Variants in OASL observed in about 807,000 individuals in gnomAD.
OASL encodes 2'-5'-oligoadenylate synthetase like.
A neutral mutation model predicts 35.3 loss-of-function variants in OASL; 28 were observed. The observed-to-expected ratio is 0.79, with a 90% CI of 0.59 to 1.09. The LOEUF (loss-of-function observed/expected upper bound fraction) is 1.09. OASL is among the 50% of genes least tolerant of loss of function. The pLI is 0.00. For synonymous variants in OASL, 252 were observed against 254.6 expected (o/e 0.99, Z 0.10); for missense variants, 620 against 635.2 (o/e 0.98, Z 0.26).
exon 1 of OASL, chr12:121,039,091 A>C (rs748445766): frequency 8.0e-5 from 64 of 795,134 alleles, no homozygotes; most frequent in East Asian, 1.3e-4. Context: ...GCTCTGTGGG[A>C]GGAGGGACCC....
chr12:121,033,684 C>G, exon 2 of OASL: 1 of 1,614,116 alleles, frequency 6.2e-7, no homozygotes, highest in Non-Finnish European at 8.5e-7. Flanking sequence ...AGCTCAGAAA[C>G]GCCACCAGCT....
At chr12:121,028,617 G>GCCC (rs1306085541) in intron 3 of OASL, among the ~76,000 whole-genome samples, 1 of 138,802 alleles carries the variant, frequency 7.2e-6, no homozygotes, top group African/African-American at 2.7e-5. Flanking sequence ...CCTGAAACCC[G>GCCC]CCCCCCCCGC....
At chr12:121,027,612 A>G (rs778484799) in exon 4 of OASL, 12 of 1,614,062 alleles carry the variant, frequency 7.4e-6, no homozygotes, top group Non-Finnish European at 1.7e-6. Flanking sequence ...ACAATCCTCA[A>G]TGATTGCATT....
At chr12:121,028,601 C>A (rs1190393071) in intron 3 of OASL, among the ~76,000 whole-genome samples, 1 of 152,062 alleles carries the variant, frequency 6.6e-6, no homozygotes, top group Non-Finnish European at 1.5e-5. Flanking sequence ...AGTGCCCTCA[C>A]CAGTGCCTGA....
intron 1 of OASL, among the ~76,000 whole-genome samples, chr12:121,038,470 C>T (rs565798526): frequency 6.6e-6 from 1 of 152,288 alleles, no homozygotes; most frequent in East Asian, 1.9e-4. Context: ...GGTTCTGAGC[C>T]TCCATTTGCT....
At chr12:121,027,878 G>T in intron 3 of OASL, 61 bp from the exon 4 acceptor site, 1 of 1,455,574 alleles carries the variant, frequency 6.9e-7, no homozygotes, top group South Asian at 1.2e-5. Flanking sequence ...TAAGGATGGC[G>T]TTGGACCAGA....
At chr12:121,030,175 G>A (rs192420837) in intron 3 of OASL, among the ~76,000 whole-genome samples, 2 of 151,748 alleles carry the variant, frequency 1.3e-5, no homozygotes, top group Admixed American at 6.6e-5. Flanking sequence ...ACATTTGGCC[G>A]GTAATTGTTT....
At chr12:121,032,553 G>T (rs150522072) in intron 2 of OASL, among the ~76,000 whole-genome samples, 1 of 152,124 alleles carries the variant, frequency 6.6e-6, no homozygotes, top group Non-Finnish European at 1.5e-5. Flanking sequence ...GAAGAGGTTC[G>T]CTCCATAATG....
downstream of OASL, among the ~76,000 whole-genome samples, chr12:121,017,834 A>G (rs112674174): frequency 0.017 from 2,611 of 152,328 alleles, 90 homozygotes; most frequent in African/African-American, 0.06. Flanking sequence ...AGTGGACTAT[A>G]GGCACATTAA....
chr12:121,031,329 C>A, intron 3 of OASL, 113 bp downstream of exon 3: 1 of 1,018,434 alleles, frequency 9.8e-7, no homozygotes, highest in African/African-American at 1.6e-5. Flanking sequence ...CTCTCCCTCT[C>A]TACCTGCTTC....
At chr12:121,018,616 C>T (rs373581812), downstream of OASL, among the ~76,000 whole-genome samples, 1 of 152,094 alleles carries the variant, frequency 6.6e-6, no homozygotes, top group African/African-American at 2.4e-5. Context: ...CAACTGTAAT[C>T]CCAGCACTGT....
rs1592930735 is a variant in OASL, at chr12:121,020,910, AC to A, written c.1195del (p.Val399PhefsTer15). On this transcript the variant is annotated frameshift_variant, in exon 6 of 6. Transcript: ENST00000257570. LOFTEE classifies it low-confidence loss of function (END_TRUNC). ...GAGAAGCTGCCTCTCACTGCCAGGA[AC>A]CTGGAAGGACAGACGCTGCAGGCCA... The A allele has an allele frequency of 1.9e-6, 3 of 1,614,172 alleles. No homozygotes were observed. In the East Asian group the frequency reaches 6.7e-5, roughly 36 times the overall value.
intron 5 of OASL, 149 bp downstream of exon 5, chr12:121,023,841 C>T (rs527811924): frequency 1.2e-6 from 1 of 828,318 alleles, no homozygotes; most frequent in South Asian, 2.4e-5. Context: ...TGTCCAAGTT[C>T]ACGGAGCCCA....
chr12:121,030,286 G>A (rs928817070), intron 3 of OASL, among the ~76,000 whole-genome samples: 3 of 152,082 alleles, frequency 2.0e-5, no homozygotes, highest in Non-Finnish European at 4.4e-5. Context: ...CTCACTGCAA[G>A]CTCCGCCTCC....
At position 121,032,641 on chromosome 12, in the gene OASL, T is replaced by C. The variant is rs79771497; in HGVS notation, c.481+820A>G. Among the ~76,000 whole-genome samples the C allele has an allele frequency of 1.9e-4, 29 of 152,298 alleles. No individual in the cohort carries two copies. In the East Asian group the frequency reaches 5.6e-3, roughly 29 times the overall value. On this transcript the variant is annotated intron_variant, in intron 2 of 5. Coordinates refer to ENST00000257570, the Ensembl canonical transcript of OASL. ...ACGCACGTTGTATTGAATTCTTGCC[T>C]TTCCCATCTCAGTTCCATACTTCCC...
Position 121,025,798 on chromosome 12 carries a change from A to C in OASL, c.900-1661T>G, listed in dbSNP as rs552525640. Among the ~76,000 whole-genome samples, 15 of 151,644 alleles carry C rather than the reference A, an allele frequency of 9.9e-5. No individual in the cohort carries two copies. In the East Asian group the frequency reaches 1.6e-3, roughly 16 times the overall value. ...CAAAACCCAAAAACAAACAAAAAAA[A>C]CCCAGCCCTTTGTACTCCAGGGCTT... On this transcript the variant is annotated intron_variant, in intron 4 of 5. Coordinates refer to ENST00000257570, the Ensembl canonical transcript of OASL.
intron 4 of OASL, 31 bp downstream of exon 4, chr12:121,027,545 A>T (rs375627285): frequency 6.2e-7 from 1 of 1,609,248 alleles, no homozygotes; most frequent in Non-Finnish European, 8.5e-7. Context: ...TTTTTTCTGT[A>T]AGATTTGGTG....
chr12:121,020,660 G>A (rs142689497), exon 6 of OASL: 4 of 1,614,198 alleles, frequency 2.5e-6, no homozygotes, highest in Non-Finnish European at 3.4e-6. Context: ...AGTCCTGCAG[G>A]ACTTGGCCTT....
chr12:121,038,082 G>A (rs1276746742), intron 1 of OASL, among the ~76,000 whole-genome samples: 6 of 142,970 alleles, frequency 4.2e-5, no homozygotes, highest in Non-Finnish European at 7.8e-5. Context: ...GCGAGACCCT[G>A]TCTCTAAAAA....
Sources: gnomAD v4.1 joint callset for allele counts (sites outside exome capture counted in the v4.1 genomes callset) on GRCh38, gnomAD v4.1.1 for gene constraint, MANE v1.5 for transcripts, NCBI Gene and HGNC (gene_info 2026-07-23, HGNC 2026-07-21) for gene names.